SDHAF4: variants seen among roughly 807,000 people sequenced by gnomAD.
SDHAF4 encodes the protein succinate dehydrogenase complex assembly factor 4.
SDHAF4 carries 14 observed loss-of-function variants against 14.3 expected under a neutral mutation model. The ratio of observed to expected loss-of-function variants is 0.98; its 90% confidence interval spans 0.65 to 1.53. The LOEUF is 1.53. Among genes scored for constraint, SDHAF4 ranks in the 40% most tolerant of loss-of-function variants. The pLI, the probability that SDHAF4 is intolerant of heterozygous loss-of-function variation, is 0.00. For synonymous variants in SDHAF4, 63 were observed against 47.3 expected (o/e 1.33, Z -1.36); for missense variants, 141 against 129.3 (o/e 1.09, Z -0.44).
At chr6:70,591,144 C>T (rs1380851535), downstream of SDHAF4, among the ~76,000 whole-genome samples, 2 of 152,124 alleles carry the variant, frequency 1.3e-5, no homozygotes, top group Non-Finnish European at 2.9e-5. Flanking sequence ...AACACCCCTA[C>T]AGACACATCC....
chr6:70,591,900 C>T (rs1336630192), downstream of SDHAF4, among the ~76,000 whole-genome samples: 1 of 152,166 alleles, frequency 6.6e-6, no homozygotes, highest in African/African-American at 2.4e-5. Flanking sequence ...GCAGAGCCCT[C>T]ATGAAGATTA....
At chr6:70,579,682 G>A (rs1196040209) in intron 2 of SDHAF4, 116 bp downstream of exon 2, 4 of 799,154 alleles carry the variant, frequency 5.0e-6, no homozygotes, top group South Asian at 5.8e-5. Context: ...TAGTAATAAA[G>A]CATATTTCAA....
At chr6:70,591,402 A>G (rs1765257374), downstream of SDHAF4, among the ~76,000 whole-genome samples, 1 of 120,626 alleles carries the variant, frequency 8.3e-6, no homozygotes, top group Non-Finnish European at 1.6e-5. Context: ...CACAATCTCC[A>G]CTCACTGCAA....
At chr6:70,577,561 TC>T (rs950107264) in intron 1 of SDHAF4, among the ~76,000 whole-genome samples, 2 of 152,176 alleles carry the variant, frequency 1.3e-5, no homozygotes, top group Non-Finnish European at 2.9e-5. Context: ...CATTTTAAAA[TC>T]CGAAGTTTTA....
At chr6:70,573,123 A>G (rs779412159) in intron 1 of SDHAF4, among the ~76,000 whole-genome samples, 5 of 152,080 alleles carry the variant, frequency 3.3e-5, no homozygotes, top group Non-Finnish European at 7.3e-5. Flanking sequence ...GACTATAGGC[A>G]CCACCGTCAT....
intron 1 of SDHAF4, among the ~76,000 whole-genome samples, chr6:70,572,807 T>A (rs1802202187): frequency 6.6e-6 from 1 of 152,178 alleles, no homozygotes; most frequent in Non-Finnish European, 1.5e-5. Flanking sequence ...GACTCGTGGG[T>A]CTGTGTGTGT....
the SDHAF4 span, among the ~76,000 whole-genome samples, chr6:70,595,095 G>T: frequency 6.6e-6 from 1 of 152,060 alleles, no homozygotes; most frequent in Non-Finnish European, 1.5e-5. Context: ...TTTGATAAGT[G>T]GGTCAGGAAA....
chr6:70,588,172 A>G (rs1283392491), intron 2 of SDHAF4, among the ~76,000 whole-genome samples: 1 of 152,220 alleles, frequency 6.6e-6, no homozygotes, highest in Non-Finnish European at 1.5e-5. Context: ...GTTCTTTTAA[A>G]GACTGCATGG....
At chr6:70,577,236 T>C (rs1055644943) in intron 1 of SDHAF4, among the ~76,000 whole-genome samples, 4 of 152,206 alleles carry the variant, frequency 2.6e-5, no homozygotes, top group Admixed American at 2.6e-4. Context: ...TTCTGTCTGC[T>C]ACCAAAATTC....
chr6:70,582,302 C>T (rs915693751), intron 2 of SDHAF4, among the ~76,000 whole-genome samples: 5 of 152,106 alleles, frequency 3.3e-5, no homozygotes, highest in African/African-American at 1.2e-4. Context: ...TGGGCTCAAA[C>T]GATCTTCCCA....
chr6:70,588,467 C>T lies in SDHAF4; in HGVS notation c.218-148C>T, dbSNP rs367745150. The T allele has an allele frequency of 4.5e-3, 1,739 of 388,176 alleles. 21 individuals are homozygous for T. The highest frequency in any genetic ancestry group is 0.036 in the Admixed American group (949 of 26,052). 24.0% of individuals were successfully genotyped at this position (388,176 alleles called of 1,614,324 possible). A position where few individuals can be genotyped will look rare whatever the true frequency, so the allele number is the denominator to read the frequency against. ...CCCAGAAGGCAGAGGTTGCAGTGAGCCCAGATCACGCCACTGCAATCCAGC... is the reference window on the plus strand; with the variant it reads ...CCCAGAAGGCAGAGGTTGCAGTGAGTCCAGATCACGCCACTGCAATCCAGC... On this transcript the variant is annotated intron_variant, in intron 2 of 2. Coordinates refer to ENST00000370474, the MANE Select transcript of SDHAF4 (RefSeq NM_145267.3).
At chr6:70,590,258 A>G (rs1489958274), downstream of SDHAF4, among the ~76,000 whole-genome samples, 3 of 152,132 alleles carry the variant, frequency 2.0e-5, no homozygotes, top group South Asian at 6.2e-4. Flanking sequence ...ATAAAAAGCA[A>G]AGAAAAGAAA....
At chr6:70,570,901 G>A (rs1198603286) in intron 1 of SDHAF4, among the ~76,000 whole-genome samples, 11 of 151,582 alleles carry the variant, frequency 7.3e-5, no homozygotes, top group Non-Finnish European at 1.5e-4. Context: ...TCCGTCTTAT[G>A]TTTTTGTTAA....
At chr6:70,571,464 G>A (rs977902780) in intron 1 of SDHAF4, among the ~76,000 whole-genome samples, 6 of 152,030 alleles carry the variant, frequency 3.9e-5, no homozygotes, top group African/African-American at 7.2e-5. Flanking sequence ...ACAGGCACAC[G>A]CCACCACTCC....
At chr6:70,575,271 G>A (rs1273845989) in intron 1 of SDHAF4, among the ~76,000 whole-genome samples, 5 of 151,898 alleles carry the variant, frequency 3.3e-5, no homozygotes, top group African/African-American at 7.3e-5. Context: ...CCATCTACTC[G>A]GGAGGCTGAG....
chr6:70,579,604 C>G lies in SDHAF4; in HGVS notation c.217+38C>G, dbSNP rs758905162. ...AAGCACCTCTCAGTTTTTGAAGTAT[C>G]AAGGAAAGTGTTTTAGTTATTGAGA... On this transcript the variant is annotated intron_variant, in intron 2 of 2. Transcript: ENST00000370474. The G allele has an allele frequency of 2.0e-6, 3 of 1,513,500 alleles. No individual in the cohort carries two copies. In the African/African-American group the frequency reaches 4.2e-5, roughly 21 times the overall value. 93.8% of individuals were successfully genotyped at this position (1,513,500 alleles called of 1,614,324 possible).
intron 1 of SDHAF4, among the ~76,000 whole-genome samples, chr6:70,572,131 C>T (rs1178444229): frequency 8.1e-6 from 1 of 124,182 alleles, no homozygotes; most frequent in Admixed American, 1.1e-4. Context: ...CGCAGTGGTG[C>T]GATCTTGGCT....
intron 2 of SDHAF4, among the ~76,000 whole-genome samples, chr6:70,585,260 A>T (rs1368897065): frequency 2.0e-5 from 3 of 152,230 alleles, no homozygotes; most frequent in Non-Finnish European, 2.9e-5. Flanking sequence ...TATTTACATG[A>T]CTGTCAACAT....
At chr6:70,578,361 C>T (rs1802281698) in intron 1 of SDHAF4, among the ~76,000 whole-genome samples, 1 of 152,080 alleles carries the variant, frequency 6.6e-6, no homozygotes, top group Non-Finnish European at 1.5e-5. Flanking sequence ...TTGTTGGCCG[C>T]TTATATGTCT....
Sources: gnomAD v4.1 joint callset for allele counts (sites outside exome capture counted in the v4.1 genomes callset) on GRCh38, gnomAD v4.1.1 for gene constraint, MANE v1.5 for transcripts, NCBI Gene and HGNC (gene_info 2026-07-23, HGNC 2026-07-21) for gene names.